ACYP2: variants seen among roughly 807,000 people sequenced by gnomAD.
ACYP2 encodes acylphosphatase-2.
ACYP2 carries 12 observed loss-of-function variants against 11.2 expected under a neutral mutation model. The ratio of observed to expected loss-of-function variants is 1.08; its 90% confidence interval spans 0.69 to 1.74. The LOEUF (loss-of-function observed/expected upper bound fraction) is 1.74. Ranked by LOEUF, ACYP2 falls within the 40% of genes most tolerant of loss-of-function variation. ACYP2 has a pLI of 0.00. For missense variants in ACYP2, 134 were observed against 101.9 expected (o/e 1.31, Z -1.35); for synonymous variants, 43 against 32.2 (o/e 1.33, Z -1.13).
chr2:53,992,183 CTTCT>C (rs1219264456), intron 2 of ACYP2, among the ~76,000 whole-genome samples: 10 of 143,540 alleles, frequency 7.0e-5, no homozygotes, highest in East Asian at 6.1e-4. Flanking sequence ...TTCTTCCTTC[CTTCT>C]TTCTCCTTCC....
At chr2:54,059,322 G>A (rs911153646) in intron 4 of ACYP2, among the ~76,000 whole-genome samples, 11 of 151,938 alleles carry the variant, frequency 7.2e-5, no homozygotes, top group African/African-American at 2.7e-4. Context: ...AGGTTCAAGT[G>A]ATTCTCCTGA....
intron 2 of ACYP2, among the ~76,000 whole-genome samples, chr2:54,050,437 T>C (rs1302802543): frequency 1.3e-5 from 2 of 150,980 alleles, no homozygotes; most frequent in Non-Finnish European, 2.9e-5. Flanking sequence ...TAGTCCCAGC[T>C]ACTTAGGAGG....
intron 6 of ACYP2, among the ~76,000 whole-genome samples, chr2:54,271,562 C>T (rs1360370227): frequency 1.3e-5 from 2 of 152,070 alleles, no homozygotes; most frequent in African/African-American, 4.8e-5. Flanking sequence ...ATCATCGGCA[C>T]CCATTCCCTA....
At chr2:54,018,214 G>A (rs1389019063) in intron 2 of ACYP2, among the ~76,000 whole-genome samples, 1 of 152,154 alleles carries the variant, frequency 6.6e-6, no homozygotes, top group African/African-American at 2.4e-5. Flanking sequence ...TCACCTAGAG[G>A]GTTTCACTGA....
At chr2:54,011,182 A>G (rs148531521) in intron 2 of ACYP2, among the ~76,000 whole-genome samples, 1 of 152,208 alleles carries the variant, frequency 6.6e-6, no homozygotes, top group Admixed American at 6.5e-5. Context: ...GTAATCAGTT[A>G]TAAGAATACA....
chr2:54,267,397 C>T, intron 6 of ACYP2: 1 of 1,516,972 alleles, frequency 6.6e-7, no homozygotes, highest in Non-Finnish European at 8.9e-7. Flanking sequence ...ATGAGAAGGG[C>T]TTATACATCC....
intron 2 of ACYP2, among the ~76,000 whole-genome samples, chr2:54,015,645 T>TCTCACACA (rs1322863615): frequency 2.1e-4 from 27 of 130,482 alleles, no homozygotes; most frequent in African/African-American, 8.3e-4. Context: ...TGAGACCCCG[T>TCTCACACA]CACACACACA....
chr2:54,048,406 A>G (rs1675639914), intron 2 of ACYP2, among the ~76,000 whole-genome samples: 1 of 152,212 alleles, frequency 6.6e-6, no homozygotes, highest in African/African-American at 2.4e-5. Flanking sequence ...AGCCTGAGTG[A>G]TGGAGTGAGT....
At chr2:54,231,870 C>CG (rs1686251247) in intron 6 of ACYP2, among the ~76,000 whole-genome samples, 1 of 152,142 alleles carries the variant, frequency 6.6e-6, no homozygotes, top group African/African-American at 2.4e-5. Flanking sequence ...TGGAGCATAT[C>CG]GGGCGCTGTA....
At chr2:54,099,903 CCCA>C (rs1678800839) in intron 4 of ACYP2, among the ~76,000 whole-genome samples, 1 of 152,202 alleles carries the variant, frequency 6.6e-6, no homozygotes, top group Non-Finnish European at 1.5e-5. Flanking sequence ...AATGTACACT[CCCA>C]CCAACAATGC....
chr2:54,187,952 T>C (rs948301267), intron 6 of ACYP2, among the ~76,000 whole-genome samples: 4 of 152,166 alleles, frequency 2.6e-5, no homozygotes, highest in Non-Finnish European at 4.4e-5. Flanking sequence ...TCTTCTGCCA[T>C]GTGAGAACAC....
At chr2:54,227,968 G>C (rs1211882035) in intron 6 of ACYP2, among the ~76,000 whole-genome samples, 1 of 152,150 alleles carries the variant, frequency 6.6e-6, no homozygotes, top group African/African-American at 2.4e-5. Flanking sequence ...CTAAACCCCA[G>C]CTGCTCTTCA....
intron 6 of ACYP2, among the ~76,000 whole-genome samples, chr2:54,214,591 T>C (rs1247611541): frequency 6.6e-6 from 1 of 152,244 alleles, no homozygotes; most frequent in Non-Finnish European, 1.5e-5. Context: ...TCTGTTTCAT[T>C]GGTCTATGTG....
intron 2 of ACYP2, among the ~76,000 whole-genome samples, chr2:54,001,708 C>G (rs2104527893): frequency 6.6e-6 from 1 of 152,328 alleles, no homozygotes; most frequent in African/African-American, 2.4e-5. Context: ...ATACTTATTT[C>G]TGCGTCCTAT....
intron 6 of ACYP2, among the ~76,000 whole-genome samples, chr2:54,158,849 G>A (rs1682567460): frequency 6.6e-6 from 1 of 152,066 alleles, no homozygotes; most frequent in Admixed American, 6.6e-5. Context: ...ATTAAGAAAT[G>A]GAAATTAAAT....
At chr2:54,024,360 T>C (rs139567651) in intron 2 of ACYP2, among the ~76,000 whole-genome samples, 1 of 152,284 alleles carries the variant, frequency 6.6e-6, no homozygotes, top group East Asian at 1.9e-4. Context: ...ATCAAGACTC[T>C]GTCACACACA....
chr2:54,165,552 C>CACAT (rs1682929091), intron 6 of ACYP2, among the ~76,000 whole-genome samples: 1 of 151,696 alleles, frequency 6.6e-6, no homozygotes, highest in African/African-American at 2.4e-5. Context: ...CACACACACA[C>CACAT]ACACACACAC....
chr2:54,069,903 T>C (rs1473635407), intron 4 of ACYP2, among the ~76,000 whole-genome samples: 3 of 152,120 alleles, frequency 2.0e-5, no homozygotes, highest in South Asian at 2.1e-4. Context: ...AGAGAAGATA[T>C]TGTGCTGGGA....
At chr2:54,270,220 TG>T (rs1293625854) in intron 6 of ACYP2, among the ~76,000 whole-genome samples, 2 of 152,236 alleles carry the variant, frequency 1.3e-5, no homozygotes, top group Non-Finnish European at 2.9e-5. Flanking sequence ...TTTTTCTTGA[TG>T]TTTTTAAGCT....
Sources: allele counts gnomAD v4.1 joint callset (sites outside exome capture counted in the v4.1 genomes callset), GRCh38; gene constraint gnomAD v4.1.1; transcripts MANE v1.5; gene names NCBI Gene and HGNC (gene_info 2026-07-23, HGNC 2026-07-21).